CNTNAP2: variants seen among roughly 807,000 people sequenced by gnomAD.
CNTNAP2 encodes the protein contactin associated protein 2.
In CNTNAP2, 98 loss-of-function variants were observed where a neutral mutation model predicts 155.2. That is an observed-to-expected ratio of 0.63 (90% CI 0.54 to 0.75). The LOEUF (loss-of-function observed/expected upper bound fraction) is 0.75. Ranked by LOEUF, CNTNAP2 falls within the 30% of genes least tolerant of loss-of-function variation. The pLI is 0.00. For missense variants in CNTNAP2, 1,727 were observed against 1,688.1 expected (o/e 1.02, Z -0.40); for synonymous variants, 651 against 631.2 (o/e 1.03, Z -0.47).
chr7:147,008,632 A>G (rs1798567949), intron 3 of CNTNAP2, among the ~76,000 whole-genome samples: 1 of 152,146 alleles, frequency 6.6e-6, no homozygotes, highest in South Asian at 2.1e-4. Context: ...AACTCAAAGG[A>G]TTGGTTACAA....
At chr7:147,429,436 T>A (rs974213032) in intron 10 of CNTNAP2, among the ~76,000 whole-genome samples, 1 of 152,058 alleles carries the variant, frequency 6.6e-6, no homozygotes, top group African/African-American at 2.4e-5. Flanking sequence ...AGATTATTTG[T>A]TTTTTTCTTG....
chr7:148,107,398 G>A (rs550280115), intron 15 of CNTNAP2, among the ~76,000 whole-genome samples: 3 of 152,074 alleles, frequency 2.0e-5, no homozygotes, highest in Non-Finnish European at 2.9e-5. Flanking sequence ...GACTCCTCCC[G>A]CAAACTTGTC....
chr7:147,161,255 G>T (rs1802018009), intron 8 of CNTNAP2, among the ~76,000 whole-genome samples: 1 of 152,098 alleles, frequency 6.6e-6, no homozygotes, highest in Non-Finnish European at 1.5e-5. Flanking sequence ...CAGTTGCATA[G>T]CGCAACTCAG....
intron 10 of CNTNAP2, among the ~76,000 whole-genome samples, chr7:147,413,507 T>C (rs1797138127): frequency 1.3e-5 from 2 of 152,086 alleles, no homozygotes; most frequent in African/African-American, 4.8e-5. Flanking sequence ...CAGGGATTAG[T>C]GAGAGAGCAG....
intron 13 of CNTNAP2, among the ~76,000 whole-genome samples, chr7:147,860,642 C>T (rs923151954): frequency 1.3e-5 from 2 of 151,752 alleles, no homozygotes; most frequent in East Asian, 3.9e-4. Flanking sequence ...CTCTCTCTTT[C>T]CTGCCACCAT....
In CNTNAP2 at chr7:147,421,585, C is replaced by G. The variant is rs968887793; in HGVS notation, c.1670+25805C>G. Among the ~76,000 whole-genome samples, 27 of 143,540 alleles carry G rather than the reference C, an allele frequency of 1.9e-4. 1 individual carries two copies. Among genetic ancestry groups the G allele is most frequent in the African/African-American group, 6.6e-4 (25 of 38,130 alleles). 94.2% of individuals were successfully genotyped at this position (143,540 alleles called of 152,430 possible). A position where few individuals can be genotyped will look rare whatever the true frequency, so the allele number is the denominator to read the frequency against. The stretch of plus-strand genomic sequence containing the variant: ...ATATGTCCTGGTATGTCTATCTAAT[C>G]TGTGTGTGTGTGTGTGTGTGTGTGT... On this transcript the variant is annotated intron_variant, in intron 10 of 23. Coordinates refer to ENST00000361727, the MANE Select transcript of CNTNAP2 (RefSeq NM_014141.6).
At chr7:147,618,390 G>A (rs1049281881) in intron 12 of CNTNAP2, among the ~76,000 whole-genome samples, 6 of 151,848 alleles carry the variant, frequency 4.0e-5, no homozygotes, top group Non-Finnish European at 8.8e-5. Flanking sequence ...TGTAAAACAA[G>A]GATCATTTCA....
chr7:147,580,609 T>C (rs1461514571), intron 12 of CNTNAP2, among the ~76,000 whole-genome samples: 1 of 136,870 alleles, frequency 7.3e-6, no homozygotes, highest in Non-Finnish European at 1.5e-5. Flanking sequence ...ATCTTGTTTT[T>C]TACATTATCA....
chr7:147,667,709 C>T (rs896899194), intron 13 of CNTNAP2, among the ~76,000 whole-genome samples: 1 of 151,894 alleles, frequency 6.6e-6, no homozygotes, highest in Non-Finnish European at 1.5e-5. Context: ...CAAACACCAC[C>T]TCTTTGATTC....
At chr7:146,469,267 C>A (rs968376283) in intron 1 of CNTNAP2, among the ~76,000 whole-genome samples, 1 of 152,004 alleles carries the variant, frequency 6.6e-6, no homozygotes, top group African/African-American at 2.4e-5. Flanking sequence ...CTGCCTTCCC[C>A]TCCCTTTCAC....
intron 13 of CNTNAP2, among the ~76,000 whole-genome samples, chr7:147,645,808 G>A (rs557478078): frequency 1.1e-4 from 16 of 152,162 alleles, no homozygotes; most frequent in African/African-American, 2.9e-4. Flanking sequence ...CTGGGTTAGC[G>A]ATGTCAGCAT....
At chr7:147,939,630 T>C (rs1311464144) in intron 14 of CNTNAP2, among the ~76,000 whole-genome samples, 2 of 152,086 alleles carry the variant, frequency 1.3e-5, no homozygotes, top group African/African-American at 2.4e-5. Context: ...CCTGGCCTCA[T>C]GTAGAATTTT....
chr7:146,374,338 A>C (rs1795277079), intron 1 of CNTNAP2, among the ~76,000 whole-genome samples: 1 of 152,192 alleles, frequency 6.6e-6, no homozygotes, highest in Non-Finnish European at 1.5e-5. Flanking sequence ...CAATCTCGAT[A>C]GTCATAGAAA....
chr7:146,230,688 C>T (rs1267346912), intron 1 of CNTNAP2, among the ~76,000 whole-genome samples: 1 of 152,114 alleles, frequency 6.6e-6, no homozygotes, highest in African/African-American at 2.4e-5. Flanking sequence ...AAAGCATTTC[C>T]CATCTGGCAA....
In CNTNAP2 at chr7:146,585,010, G is replaced by A. The variant is rs866297894; in HGVS notation, c.98-189261G>A. 3.9e-5 allele frequency among the ~76,000 whole-genome samples: 6 copies of A among 152,292 alleles called. No homozygotes were observed. The South Asian group carries it at 6.2e-4, about 16-fold the overall frequency. On this transcript the variant is annotated intron_variant, in intron 1 of 23. Transcript: ENST00000361727. ...CTTCACACCAAAGAAGGAAACCAAA[G>A]CATAAGTCCCATCTGAGCCAATTCA...
At chr7:146,481,443 A>G (rs140905776) in intron 1 of CNTNAP2, among the ~76,000 whole-genome samples, 1 of 152,330 alleles carries the variant, frequency 6.6e-6, no homozygotes, top group East Asian at 1.9e-4. Flanking sequence ...AGTTTCCTGA[A>G]TACAATGAAA....
At chr7:147,152,214 G>A (rs556424447) in intron 8 of CNTNAP2, among the ~76,000 whole-genome samples, 1 of 152,014 alleles carries the variant, frequency 6.6e-6, no homozygotes, top group South Asian at 2.1e-4. Flanking sequence ...AAATGTTATA[G>A]TCAGAAAAGC....
intron 1 of CNTNAP2, among the ~76,000 whole-genome samples, chr7:146,326,163 AT>A (rs1368267183): frequency 6.6e-6 from 1 of 152,178 alleles, no homozygotes; most frequent in Non-Finnish European, 1.5e-5. Context: ...TTTACTAAAG[AT>A]CACACACACG....
chr7:147,111,446 C>CCCATGT (rs1240268694), intron 5 of CNTNAP2, among the ~76,000 whole-genome samples: 3 of 152,118 alleles, frequency 2.0e-5, no homozygotes, highest in African/African-American at 7.2e-5. Context: ...TTTGCCTGTG[C>CCCATGT]CCATGTCCTG....
Sources: allele counts gnomAD v4.1 joint callset (sites outside exome capture counted in the v4.1 genomes callset), GRCh38; gene constraint gnomAD v4.1.1; transcripts MANE v1.5; gene names NCBI Gene and HGNC (gene_info 2026-07-23, HGNC 2026-07-21).